The following PIK3C2B variants were observed in gnomAD, a reference collection of about 807,000 sequenced individuals.
The protein encoded by PIK3C2B is phosphatidylinositol-4-phosphate 3-kinase catalytic subunit type 2 beta, also known as phosphatidylinositol 4-phosphate 3-kinase C2 domain-containing subunit beta.
PIK3C2B carries 83 observed loss-of-function variants against 184.3 expected under a neutral mutation model. The observed-to-expected ratio is 0.45, with a 90% CI of 0.38 to 0.54. The LOEUF is 0.54. Ranked by LOEUF, PIK3C2B falls within the 20% of genes least tolerant of loss-of-function variation. The pLI is 0.00. For missense variants in PIK3C2B, 1,736 were observed against 2,113.5 expected (o/e 0.82, Z 3.50); for synonymous variants, 779 against 837.6 (o/e 0.93, Z 1.21).
At chr1:204,466,590 C>T (rs2103512153) in intron 2 of PIK3C2B, among the ~76,000 whole-genome samples, 1 of 152,064 alleles carries the variant, frequency 6.6e-6, no homozygotes, top group Admixed American at 6.5e-5. Flanking sequence ...AATAGCACCA[C>T]TGTCAGCAAT....
At chr1:204,464,161 C>A in intron 4 of PIK3C2B, 29 bp from the exon 5 acceptor site, 1 of 1,611,524 alleles carries the variant, frequency 6.2e-7, no homozygotes, top group South Asian at 1.1e-5. Flanking sequence ...GGGGAGCAAT[C>A]ATGATGGATG....
At chr1:204,485,000 C>T (rs1657471851) in intron 1 of PIK3C2B, among the ~76,000 whole-genome samples, 1 of 151,742 alleles carries the variant, frequency 6.6e-6, no homozygotes, top group African/African-American at 2.4e-5. Flanking sequence ...GACTCCCTCT[C>T]CAGTGCTCTT....
intron 24 of PIK3C2B, 81 bp downstream of exon 24, chr1:204,434,358 T>C (rs1239887984): frequency 1.6e-6 from 2 of 1,277,932 alleles, no homozygotes; most frequent in South Asian, 1.2e-5. Flanking sequence ...GCTTCCATCA[T>C]GGGCTTGTGT....
chr1:204,434,589 T>A lies in PIK3C2B; in HGVS notation c.3536A>T (p.Tyr1179Phe), dbSNP rs550053090. The change falls in exon 24 of 33, where the codon TAC (tyrosine) becomes TTC (phenylalanine). Residue 1179 changes from tyrosine to phenylalanine, a missense_variant. Tyr to Phe is a conservative substitution (Grantham distance 22). Coordinates refer to ENST00000684373, the MANE Select transcript of PIK3C2B (RefSeq NM_001377334.1). ...GGCCACGCAGCAGCCAGCGCAGGAG[T>A]AGATAAAGTTCTCCACAGCCTGGGA... ...EYEKAVENFI[Y>F]SCAGCCVATY... 41 of 1,613,084 alleles carry A rather than the reference T, an allele frequency of 2.5e-5. No individual in the cohort carries two copies. The South Asian group carries it at 4.1e-4, about 16-fold the overall frequency.
chr1:204,491,325 G>C (rs998672056), intron 1 of PIK3C2B, among the ~76,000 whole-genome samples: 2 of 151,536 alleles, frequency 1.3e-5, no homozygotes, highest in Middle Eastern at 3.2e-3. Context: ...GGAGACGGAG[G>C]TTGCAGGGAG....
At chr1:204,456,514 C>A (rs1475930265) in intron 10 of PIK3C2B, among the ~76,000 whole-genome samples, 1 of 151,996 alleles carries the variant, frequency 6.6e-6, no homozygotes, top group African/African-American at 2.4e-5. Context: ...AAAAACAAAA[C>A]CAAAACAAAG....
intron 8 of PIK3C2B, among the ~76,000 whole-genome samples, chr1:204,459,076 G>A (rs183380182): frequency 2.0e-3 from 141 of 71,990 alleles, no homozygotes; most frequent in African/African-American, 4.8e-3. Flanking sequence ...GTGCAATGGT[G>A]TGATCATAGC....
chr1:204,430,049 A>G lies in PIK3C2B; in HGVS notation c.4281-11T>C. 6.4e-7 allele frequency: 1 copy of G among 1,555,176 alleles called. No homozygotes were observed. On this transcript the variant is annotated splice_polypyrimidine_tract_variant and intron_variant, in intron 28 of 32. Coordinates refer to ENST00000684373, the MANE Select transcript of PIK3C2B (RefSeq NM_001377334.1). ...AAGCGACTAGGGAAGCTGGCGTGGC[A>G]GCGTAGGCAGCGGGGATGCAGGAGG...
intron 12 of PIK3C2B, among the ~76,000 whole-genome samples, chr1:204,452,288 CTTTTTT>C (rs71145086): frequency 1.8e-4 from 13 of 71,050 alleles, no homozygotes; most frequent in African/African-American, 4.4e-4. Context: ...GTGCAGCACC[CTTTTTT>C]TTTTTTTTTT....
In PIK3C2B at chr1:204,447,029, TG is replaced by T. The variant is rs1025393546; in HGVS notation, c.2489+406del. Among the ~76,000 whole-genome samples the T allele has an allele frequency of 1.4e-5, 2 of 145,350 alleles. No homozygotes were observed. Among genetic ancestry groups the T allele is most frequent in the Non-Finnish European group, 3.0e-5 (2 of 66,834 alleles). ...GCTTGCCTTGACACCTGATCCTTTT[TG>T]GAAAGTGACAGGGCCAGAAAAATTC... On this transcript the variant is annotated intron_variant, in intron 15 of 32. Coordinates refer to ENST00000684373, the MANE Select transcript of PIK3C2B (RefSeq NM_001377334.1). This position sits in a 1 kb window ranked among gnomAD's most constrained non-coding sequence, Gnocchi z 4.1.
Position 204,433,837 on chromosome 1 carries a change from G to A in PIK3C2B, c.3799C>T (p.Leu1267Phe), listed in dbSNP as rs1572289093. 6.2e-7 allele frequency: 1 copy of A among 1,614,202 alleles called. No individual in the cohort carries two copies. The highest frequency in any genetic ancestry group is 1.6e-4 in the Middle Eastern group (1 of 6,062). The change falls in exon 25 of 33, where the codon CTC becomes TTC. Residue 1267 changes from leucine (L) to phenylalanine (F), a missense_variant. Leu to Phe is a conservative substitution (Grantham distance 22). This residue lies in a region of PIK3C2B where 119 missense variants were observed against 179.3 expected (regional missense o/e 0.66). Coordinates refer to ENST00000684373, the MANE Select transcript of PIK3C2B (RefSeq NM_001377334.1). This position sits in a 1 kb window ranked among gnomAD's most constrained non-coding sequence, Gnocchi z 5.0. ...AAGAGGTGGGTGTGCTTGCGAATGAGGTTGTAGGCTTGGCAGCAAAGGTCA... is the reference window on the plus strand; with the variant it reads ...AAGAGGTGGGTGTGCTTGCGAATGAAGTTGTAGGCTTGGCAGCAAAGGTCA... ...FVDLCCQAYN[L>F]IRKHTHLFLN...
chr1:204,460,219 C>A, intron 7 of PIK3C2B, 105 bp downstream of exon 7: 1 of 919,426 alleles, frequency 1.1e-6, no homozygotes. Flanking sequence ...ACCCCTGACA[C>A]CTGCAAGAAT....
At chr1:204,448,363 A>C (rs1201070741) in intron 14 of PIK3C2B, among the ~76,000 whole-genome samples, 1 of 151,832 alleles carries the variant, frequency 6.6e-6, no homozygotes, top group Non-Finnish European at 1.5e-5. Context: ...CAGCCTCCCA[A>C]AGTGCTGGGA....
intron 1 of PIK3C2B, among the ~76,000 whole-genome samples, chr1:204,470,603 T>C (rs185181864): frequency 1.5e-4 from 23 of 152,324 alleles, no homozygotes; most frequent in African/African-American, 5.3e-4. Context: ...GGCAGGTTCT[T>C]AAAAAGGTCA....
intron 1 of PIK3C2B, among the ~76,000 whole-genome samples, chr1:204,483,353 A>AC (rs1657339337): frequency 6.6e-6 from 1 of 151,052 alleles, no homozygotes; most frequent in Admixed American, 6.6e-5. Flanking sequence ...TGATTGAGAC[A>AC]CTGCACTCCA....
chr1:204,476,727 C>T (rs1359377870), intron 1 of PIK3C2B, among the ~76,000 whole-genome samples: 3 of 152,190 alleles, frequency 2.0e-5, no homozygotes, highest in Non-Finnish European at 4.4e-5. Flanking sequence ...GGGGCCAATG[C>T]CACTATGTCA....
intron 28 of PIK3C2B, 73 bp from the exon 29 acceptor site, chr1:204,430,111 T>C (rs1674963457): frequency 5.3e-6 from 5 of 935,392 alleles, no homozygotes; most frequent in Non-Finnish European, 6.7e-6. Context: ...AATGGGCTTT[T>C]TTCACATTTC....
chr1:204,457,399 G>A (rs1053131048), intron 9 of PIK3C2B, among the ~76,000 whole-genome samples: 1 of 152,212 alleles, frequency 6.6e-6, no homozygotes, highest in East Asian at 1.9e-4. Context: ...CCTGGCTCTA[G>A]AGAGATTTTC....
At chr1:204,440,960 T>C (rs1175080775) in intron 21 of PIK3C2B, among the ~76,000 whole-genome samples, 1 of 152,226 alleles carries the variant, frequency 6.6e-6, no homozygotes, top group Non-Finnish European at 1.5e-5. Context: ...GATTTGGAAC[T>C]TGCGCATAGC....
Sources: allele counts gnomAD v4.1 joint callset (sites outside exome capture counted in the v4.1 genomes callset), GRCh38; gene constraint gnomAD v4.1.1; regional missense constraint gnomAD v4.1.1; non-coding constraint Gnocchi (gnomAD v3.1); transcripts MANE v1.5; gene names NCBI Gene and HGNC (gene_info 2026-07-23, HGNC 2026-07-21).